Variants in CCDC157 observed in about 807,000 individuals in gnomAD.
CCDC157 encodes the protein coiled-coil domain containing 157, also known as coiled-coil domain-containing protein 157.
A neutral mutation model predicts 70.9 loss-of-function variants in CCDC157; 60 were observed. That is an observed-to-expected ratio of 0.85 (90% confidence interval 0.69 to 1.05). The LOEUF is 1.05. Among genes scored for constraint, CCDC157 ranks in the 50% least tolerant of loss-of-function variants. CCDC157 has a pLI of 0.00. For missense variants in CCDC157, 943 were observed against 984.2 expected, an observed-to-expected ratio of 0.96 and a Z score of 0.56; for synonymous variants, 373 against 422.4, an observed-to-expected ratio of 0.88 and a Z score of 1.43.
At chr22:30,368,076 T>A (rs1932793317) in intron 3 of CCDC157, among the ~76,000 whole-genome samples, 1 of 152,048 alleles carries the variant, frequency 6.6e-6, no homozygotes, top group Admixed American at 6.6e-5. Context: ...AAAAACAACC[T>A]TAAAGCCGTG....
intron 9 of CCDC157, 172 bp from the exon 10 acceptor site, chr22:30,375,304 TATA>T: frequency 1.6e-6 from 1 of 613,414 alleles, no homozygotes; most frequent in South Asian, 2.1e-5. Flanking sequence ...TCTCAGATTT[TATA>T]ATACTATGGT....
chr22:30,367,410 G>T (rs1431373981), intron 3 of CCDC157, among the ~76,000 whole-genome samples: 1 of 151,918 alleles, frequency 6.6e-6, no homozygotes, highest in Non-Finnish European at 1.5e-5. Context: ...TAGTTTTTTT[G>T]GATTTTTAGT....
intron 5 of CCDC157, 24 bp from the exon 6 acceptor site, chr22:30,371,626 G>T: frequency 6.2e-7 from 1 of 1,601,674 alleles, no homozygotes; most frequent in South Asian, 1.1e-5. Context: ...ACCCTCTGAA[G>T]GGCCTCTCTC....
intron 7 of CCDC157, 97 bp downstream of exon 7, chr22:30,372,383 C>A: frequency 7.1e-7 from 1 of 1,411,204 alleles, no homozygotes; most frequent in Non-Finnish European, 9.3e-7. Flanking sequence ...CTATATTGGG[C>A]ATCTGCTCCC....
At chr22:30,358,612 G>A (rs1310374962) in intron 1 of CCDC157, among the ~76,000 whole-genome samples, 1 of 152,222 alleles carries the variant, frequency 6.6e-6, no homozygotes, top group African/African-American at 2.4e-5. Flanking sequence ...TCTTTACCGA[G>A]TAGGGTTAGG....
rs756307863 is a variant in CCDC157, at chr22:30,371,727, G to A, written c.1123G>A (p.Glu375Lys). The A allele has an allele frequency of 6.2e-7, 1 of 1,613,314 alleles. No homozygotes were observed. Among genetic ancestry groups the A allele is most frequent in the East Asian group, 2.2e-5 (1 of 44,880 alleles). The change falls in exon 6 of 12, where the codon GAG (glutamate) becomes AAG (lysine). Residue 375 changes from glutamate (E) to lysine (K), a missense_variant and splice_region_variant. Coordinates refer to ENST00000338306, the MANE Select transcript of CCDC157 (RefSeq NM_001017437.5). Reference protein sequence around the residue: ...KQQRESTQAVEAKAQQLQEEG... With the variant: ...KQQRESTQAVKAKAQQLQEEG... ...GCAGCGGGAGTCCACACAGGCTGTG[G>A]GTAAGGAGCCCCATCATAGGCCCCC...
intron 5 of CCDC157, chr22:30,371,385 T>G: frequency 1.9e-6 from 1 of 538,680 alleles, no homozygotes; most frequent in South Asian, 2.5e-5. Context: ...CCTGAGGGAT[T>G]TGCCCTTTCT....
intron 5 of CCDC157, 168 bp from the exon 6 acceptor site, chr22:30,371,482 G>A (rs1932936933): frequency 6.5e-6 from 4 of 614,528 alleles, no homozygotes; most frequent in Non-Finnish European, 1.2e-5. Context: ...AAGCAGGGTG[G>A]GTAAGGGCCC....
At chr22:30,376,411 C>G in intron 11 of CCDC157, 22 bp from the exon 12 acceptor site, 1 of 1,613,876 alleles carries the variant, frequency 6.2e-7, no homozygotes, top group Non-Finnish European at 8.5e-7. Flanking sequence ...CACAGGGGAT[C>G]TTGGATCTGG....
chr22:30,370,963 G>A lies in CCDC157; in HGVS notation c.1045+13G>A. 1 of 1,597,612 alleles carries A rather than the reference G, an allele frequency of 6.3e-7. No individual in the cohort carries two copies. The highest frequency in any genetic ancestry group is 8.5e-7 in the Non-Finnish European group (1 of 1,172,144). On this transcript the variant is annotated intron_variant, in intron 5 of 11. Coordinates refer to ENST00000338306, the MANE Select transcript of CCDC157 (RefSeq NM_001017437.5). ...CAGCTGCTCACAGGTCTGTGCCCCA[G>A]AGGCCAGACGCCTGGTGCCCAGGGG...
rs573801267 is a variant in CCDC157, at chr22:30,366,332, A to G, written c.248+84A>G. On this transcript the variant is annotated intron_variant, in intron 3 of 11. Coordinates refer to ENST00000338306, the MANE Select transcript of CCDC157 (RefSeq NM_001017437.5). Reference sequence around the variant, plus strand: ...GTGGCAGCTACGGAAGCCCCTCCAGAGGCAGGGGTGATGTTGGAACAACAG... The same window carrying G: ...GTGGCAGCTACGGAAGCCCCTCCAGGGGCAGGGGTGATGTTGGAACAACAG... The G allele has an allele frequency of 1.0e-3, 1,574 of 1,555,528 alleles. 26 individuals are homozygous for G. The South Asian group carries it at 0.017, about 17-fold the overall frequency.
intron 9 of CCDC157, chr22:30,374,714 C>T: frequency 2.2e-6 from 1 of 456,730 alleles, no homozygotes; most frequent in Non-Finnish European, 4.4e-6. Flanking sequence ...AGGTCATAGC[C>T]CCATAGCTAT....
chr22:30,376,466 G>A lies in CCDC157; in HGVS notation c.1980G>A (p.Arg660=). 6.2e-7 allele frequency: 1 copy of A among 1,613,790 alleles called. No individual in the cohort carries two copies. Among genetic ancestry groups the A allele is most frequent in the Non-Finnish European group, 8.5e-7 (1 of 1,179,958 alleles). ...PLGRQHLPSS[R]TGRTLLGQPC... is the part of the protein sequence containing the mutation. ...GCAGACAGCACCTTCCTAGCAGCAG[G>A]ACGGGTAGGACCCTGCTGGGCCAGC... is the stretch of plus-strand genomic sequence containing the variant. Residue 660 remains arginine (R), a synonymous_variant, in exon 12 of 12, where the codon AGG becomes AGA. Coordinates refer to ENST00000338306, the MANE Select transcript of CCDC157 (RefSeq NM_001017437.5).
chr22:30,369,820 C>T, intron 4 of CCDC157: 1 of 476,916 alleles, frequency 2.1e-6, no homozygotes, highest in Non-Finnish European at 3.6e-6. Context: ...GCTCTGACAT[C>T]CCTGTGGGAC....
chr22:30,365,266 G>A (rs748450734), intron 2 of CCDC157, among the ~76,000 whole-genome samples: 4 of 151,740 alleles, frequency 2.6e-5, no homozygotes, highest in Admixed American at 6.6e-5. Flanking sequence ...ACAGATGGGC[G>A]AGGATTTAGA....
At chr22:30,356,652 C>CG (rs1410419731), upstream of CCDC157, 1 of 1,147,276 alleles carries the variant, frequency 8.7e-7, no homozygotes, top group Non-Finnish European at 1.2e-6. Context: ...TCATAGCGGC[C>CG]GGCCGCTTAT....
chr22:30,366,171 G>A lies in CCDC157; in HGVS notation c.171G>A (p.Glu57=). The part of the protein sequence containing the change: ...ACDLDMVALL[E]HYDHVPGDPE... The stretch of plus-strand genomic sequence containing the variant: ...ACCTCGACATGGTGGCCCTGCTGGA[G>A]CACTATGACCATGTTCCGGGTGACC... Residue 57 remains glutamate, a synonymous_variant, in exon 3 of 12, where the codon GAG becomes GAA. Coordinates refer to ENST00000338306, the MANE Select transcript of CCDC157 (RefSeq NM_001017437.5). The A allele has an allele frequency of 1.9e-6, 3 of 1,613,726 alleles. No individual in the cohort carries two copies. Among genetic ancestry groups the A allele is most frequent in the Non-Finnish European group, 2.5e-6 (3 of 1,179,936 alleles).
Position 30,376,746 on chromosome 22 carries a change from C to T in CCDC157, c.*1C>T. The stretch of plus-strand genomic sequence containing the variant: ...CCAGCCCCAGGAGCGGCCCATGTAG[C>T]CTGTGGCCCAGGGCTGAGGCTGGAT... On this transcript the variant is annotated 3_prime_UTR_variant, in exon 12 of 12. Transcript: ENST00000338306. 17 of 1,609,594 alleles carry T rather than the reference C, an allele frequency of 1.1e-5. No homozygotes were observed. Among genetic ancestry groups the T allele is most frequent in the Non-Finnish European group, 1.4e-5 (17 of 1,177,416 alleles).
intron 3 of CCDC157, 175 bp downstream of exon 3, chr22:30,366,423 A>C: frequency 1.4e-6 from 1 of 733,310 alleles, no homozygotes. Context: ...ACCTTTTATC[A>C]TGTGTCTTGT....
Sources: allele counts gnomAD v4.1 joint callset (sites outside exome capture counted in the v4.1 genomes callset), GRCh38; gene constraint gnomAD v4.1.1; transcripts MANE v1.5; gene names NCBI Gene and HGNC (gene_info 2026-07-23, HGNC 2026-07-21).